The following RIT2 variants were observed in gnomAD, a reference collection of about 807,000 sequenced individuals.
RIT2 encodes the protein Ras like without CAAX 2, also known as GTP-binding protein Rit2.
In RIT2, 24 loss-of-function variants were observed where a neutral mutation model predicts 23.7. That is an observed-to-expected ratio of 1.01 (90% CI 0.73 to 1.43). RIT2 has a LOEUF of 1.43. RIT2 is among the 40% of genes most tolerant of loss of function. The pLI is 0.00. For synonymous variants in RIT2, 107 were observed against 91.1 expected (o/e 1.17, Z -0.99); for missense variants, 236 against 266.9 (o/e 0.88, Z 0.81).
At chr18:43,050,736 G>A (rs547934897) in intron 1 of RIT2, among the ~76,000 whole-genome samples, 135 of 152,010 alleles carry the variant, frequency 8.9e-4, no homozygotes, top group Admixed American at 1.9e-3. Flanking sequence ...CCTGAGGGAG[G>A]CAATGCTAAC....
rs371645489 is a variant in RIT2 at position 43,109,877 on chromosome 18, C to A, written c.103+5540G>T. On this transcript the variant is annotated intron_variant, in intron 1 of 4. Transcript: ENST00000326695. ...ATAATTCCAAGATGTGTCCTAGGGA[C>A]CAGAGAAGGACATAAAGTTCTCATC... Among the ~76,000 whole-genome samples the A allele has an allele frequency of 4.6e-5, 7 of 152,130 alleles. No homozygotes were observed. The East Asian group carries it at 7.7e-4, about 17-fold the overall frequency.
At chr18:42,986,255 G>T (rs1374586980) in intron 2 of RIT2, among the ~76,000 whole-genome samples, 3 of 151,854 alleles carry the variant, frequency 2.0e-5, no homozygotes, top group Non-Finnish European at 2.9e-5. Context: ...TAGCCTGGCT[G>T]GTCTTGAACT....
chr18:42,767,078 G>A (rs1417952839), intron 4 of RIT2, among the ~76,000 whole-genome samples: 10 of 152,218 alleles, frequency 6.6e-5, no homozygotes, highest in African/African-American at 1.2e-4. Flanking sequence ...AGAAGTGTGG[G>A]GTTGGAGCCC....
At chr18:42,910,054 C>T (rs567360741) in intron 4 of RIT2, among the ~76,000 whole-genome samples, 1 of 152,152 alleles carries the variant, frequency 6.6e-6, no homozygotes, top group East Asian at 1.9e-4. Context: ...AACACATTGA[C>T]ACCAGCAGGC....
chr18:43,080,317 TCC>T (rs1015114429), intron 1 of RIT2, among the ~76,000 whole-genome samples: 2 of 152,222 alleles, frequency 1.3e-5, no homozygotes, highest in African/African-American at 4.8e-5. Context: ...TGTTCTGCTC[TCC>T]AACGTAAAAC....
At chr18:43,031,342 C>G (rs1911849690) in intron 2 of RIT2, among the ~76,000 whole-genome samples, 1 of 151,334 alleles carries the variant, frequency 6.6e-6, no homozygotes. Context: ...CTAGATGCCA[C>G]AAAACCAAAC....
intron 3 of RIT2, among the ~76,000 whole-genome samples, chr18:42,953,463 G>A (rs2144176265): frequency 6.6e-6 from 1 of 152,162 alleles, no homozygotes; most frequent in Admixed American, 6.5e-5. Context: ...GACTATGGGA[G>A]AACAAAGAGG....
At chr18:43,052,647 G>A (rs1912410145) in intron 1 of RIT2, among the ~76,000 whole-genome samples, 1 of 151,968 alleles carries the variant, frequency 6.6e-6, no homozygotes. Flanking sequence ...CATTGCCCCA[G>A]TCATGTCTCT....
chr18:42,963,730 TA>T (rs973999603), intron 3 of RIT2, among the ~76,000 whole-genome samples: 3 of 151,414 alleles, frequency 2.0e-5, no homozygotes, highest in Admixed American at 2.0e-4. Flanking sequence ...CCATTTCTAC[TA>T]AAAAAAATAC....
intron 4 of RIT2, among the ~76,000 whole-genome samples, chr18:42,753,594 CA>C (rs1295685311): frequency 6.6e-6 from 1 of 152,090 alleles, no homozygotes; most frequent in Non-Finnish European, 1.5e-5. Flanking sequence ...CATTATTTCC[CA>C]TGGAGCTATT....
chr18:43,078,716 T>G (rs985915487), intron 1 of RIT2, among the ~76,000 whole-genome samples: 1 of 152,166 alleles, frequency 6.6e-6, no homozygotes, highest in Non-Finnish European at 1.5e-5. Flanking sequence ...TCCCGGGACG[T>G]TTTTGGCCTC....
At chr18:43,042,309 T>G (rs187265822) in intron 1 of RIT2, among the ~76,000 whole-genome samples, 3 of 152,350 alleles carry the variant, frequency 2.0e-5, no homozygotes, top group Admixed American at 2.0e-4. Context: ...TCTTTCTTCA[T>G]TTAATTGTTA....
At chr18:42,846,244 A>G (rs1473342632) in intron 4 of RIT2, among the ~76,000 whole-genome samples, 1 of 151,986 alleles carries the variant, frequency 6.6e-6, no homozygotes, top group Non-Finnish European at 1.5e-5. Context: ...AGGATTAATT[A>G]TAACTCAGCA....
intron 4 of RIT2, among the ~76,000 whole-genome samples, chr18:42,874,918 A>G (rs1321142807): frequency 6.6e-6 from 1 of 152,148 alleles, no homozygotes; most frequent in Non-Finnish European, 1.5e-5. Flanking sequence ...ATCACACTGC[A>G]GAGCCAGGAA....
At chr18:42,745,656 A>G (rs1912900687) in intron 4 of RIT2, among the ~76,000 whole-genome samples, 1 of 152,180 alleles carries the variant, frequency 6.6e-6, no homozygotes, top group South Asian at 2.1e-4. Context: ...TGCAGCGAAA[A>G]CAATCAACTA....
intron 1 of RIT2, 43 bp from the exon 2 acceptor site, chr18:43,033,910 A>T: frequency 7.5e-7 from 1 of 1,339,568 alleles, no homozygotes; most frequent in Non-Finnish European, 1.1e-6. Context: ...AAATTCACTA[A>T]TTCATCAATA....
At chr18:42,992,061 G>C (rs1409044983) in intron 2 of RIT2, among the ~76,000 whole-genome samples, 1 of 151,788 alleles carries the variant, frequency 6.6e-6, no homozygotes, top group Non-Finnish European at 1.5e-5. Flanking sequence ...TTTTTCTGGA[G>C]GGTAAGAACC....
intron 1 of RIT2, among the ~76,000 whole-genome samples, chr18:43,105,329 T>TTTACAATA (rs1329428480): frequency 6.6e-6 from 1 of 152,006 alleles, no homozygotes; most frequent in Non-Finnish European, 1.5e-5. Context: ...CAATGGCAGT[T>TTTACAATA]TTACAATATT....
intron 4 of RIT2, among the ~76,000 whole-genome samples, chr18:42,898,597 T>C (rs939548702): frequency 6.6e-5 from 10 of 152,172 alleles, no homozygotes; most frequent in Admixed American, 1.3e-4. Context: ...TATGTTATTA[T>C]ATAATTTGTT....
Sources: allele counts gnomAD v4.1 joint callset (sites outside exome capture counted in the v4.1 genomes callset), GRCh38; gene constraint gnomAD v4.1.1; transcripts MANE v1.5; gene names NCBI Gene and HGNC (gene_info 2026-07-23, HGNC 2026-07-21).